NIBAN2: variants seen among roughly 807,000 people sequenced by gnomAD.
NIBAN2 encodes niban apoptosis regulator 2, also known as protein Niban 2.
Under a neutral mutation model 81.8 loss-of-function variants are expected in NIBAN2, and 36 were observed. The ratio of observed to expected loss-of-function variants is 0.44; its 90% CI spans 0.34 to 0.58. NIBAN2 has a LOEUF of 0.58. Ranked by LOEUF, NIBAN2 falls within the 20% of genes least tolerant of loss-of-function variation. The pLI, the probability that NIBAN2 is intolerant of heterozygous loss-of-function variation, is 0.02. For missense variants in NIBAN2, 897 were observed against 1,014.1 expected (o/e 0.88, Z 1.57); for synonymous variants, 445 against 441.6 (o/e 1.01, Z -0.10).
chr9:127,527,361 G>C (rs530237143), intron 2 of NIBAN2, 39 bp from the exon 3 acceptor site: 1 of 1,566,492 alleles, frequency 6.4e-7, no homozygotes, highest in Middle Eastern at 1.7e-4. Context: ...GCCCAGGTCT[G>C]GGGGGGTGGT....
chr9:127,523,771 T>A lies in NIBAN2; in HGVS notation c.497A>T (p.Tyr166Phe), dbSNP rs368076473. The A allele has an allele frequency of 6.2e-7, 1 of 1,613,960 alleles. No homozygotes were observed. The highest frequency in any genetic ancestry group is 8.5e-7 in the Non-Finnish European group (1 of 1,180,012). The change falls in exon 5 of 14, where the codon TAT (tyrosine) becomes TTT (phenylalanine). Residue 166 changes from tyrosine to phenylalanine, a missense_variant. Tyr to Phe is a conservative substitution (Grantham distance 22). Around this residue, in one of 3 missense-constraint regions of NIBAN2, gnomAD observed 69 missense variants for 114.7 expected, o/e 0.60. Coordinates refer to ENST00000373312, the MANE Select transcript of NIBAN2 (RefSeq NM_022833.4). ...TQFPLILWHP[Y>F]ARHYYFCMMT... ...CATGCAGAAGTAGTAGTGACGCGCA[T>A]AAGGATGCCAGAGGATGAGCGGGAA...
At chr9:127,527,035 C>A (rs1333429933) in intron 3 of NIBAN2, among the ~76,000 whole-genome samples, 159 bp downstream of exon 3, 1 of 152,076 alleles carries the variant, frequency 6.6e-6, no homozygotes, top group Admixed American at 6.5e-5. Context: ...CAGGGCAGCC[C>A]AGTTTGGGGG....
rs1001155790 is a variant in NIBAN2, at chr9:127,559,857, T to C, written c.55+8963A>G. 6.6e-6 allele frequency among the ~76,000 whole-genome samples: 1 copy of C among 152,076 alleles called. No individual in the cohort carries two copies. Among genetic ancestry groups the C allele is most frequent in the African/African-American group, 2.4e-5 (1 of 41,392 alleles). On this transcript the variant is annotated intron_variant, in intron 1 of 13. Transcript: ENST00000373312. This position sits in a 1 kb window ranked among gnomAD's most constrained non-coding sequence, Gnocchi z 4.0. ...TGGCCAATGTCCTATGTGAACCACATAGAACGGTAACAGTGGATGAACCAG... is the reference window on the plus strand; with the variant it reads ...TGGCCAATGTCCTATGTGAACCACACAGAACGGTAACAGTGGATGAACCAG...
At position 127,545,364 on chromosome 9, in the gene NIBAN2, G is replaced by A. The variant is rs757467688; in HGVS notation, c.56-13586C>T. On this transcript the variant is annotated intron_variant, in intron 1 of 13. Transcript: ENST00000373312. The surrounding 1 kb of genome is among the most constrained non-coding windows in gnomAD (Gnocchi z 4.7). ...TAATGCCTCATCTGAGACGCTCCCC[G>A]GACTGAGACTGCTCTCCGCTGTCTC... Among the ~76,000 whole-genome samples, 12 of 152,118 alleles carry A rather than the reference G, an allele frequency of 7.9e-5. No homozygotes were observed. The highest frequency in any genetic ancestry group is 1.3e-4 in the Non-Finnish European group (9 of 68,028).
Position 127,517,352 on chromosome 9 carries a change from T to A in NIBAN2, c.706-136A>T. Reference sequence around the variant, plus strand: ...TGGCCCATTGCTTCACCCTCCCTGCTGCCCTCTCTCCTGAGCTCCATTCCC... The same window carrying A: ...TGGCCCATTGCTTCACCCTCCCTGCAGCCCTCTCTCCTGAGCTCCATTCCC... On this transcript the variant is annotated intron_variant, in intron 6 of 13. Coordinates refer to ENST00000373312, the MANE Select transcript of NIBAN2 (RefSeq NM_022833.4). The surrounding 1 kb of genome is among the most constrained non-coding windows in gnomAD (Gnocchi z 4.0). The A allele has an allele frequency of 1.4e-6, 1 of 693,804 alleles. No individual in the cohort carries two copies. Among genetic ancestry groups the A allele is most frequent in the Non-Finnish European group, 2.5e-6 (1 of 405,676 alleles). The allele number at this position is 693,804 out of a possible 1,614,324, so 43.0% of individuals were successfully genotyped here.
At chr9:127,556,103 G>A (rs1837663703) in intron 1 of NIBAN2, among the ~76,000 whole-genome samples, 1 of 152,076 alleles carries the variant, frequency 6.6e-6, no homozygotes, top group African/African-American at 2.4e-5. Context: ...CAGGAACCCA[G>A]AGAGAGAGCC....
chr9:127,569,512 G>A (rs1367232186), upstream of NIBAN2, among the ~76,000 whole-genome samples: 2 of 151,666 alleles, frequency 1.3e-5, no homozygotes, highest in Non-Finnish European at 2.9e-5. Context: ...AACCTTGCCC[G>A]CGCGGGAAAA....
chr9:127,574,657 A>G (rs1837987160), intron 1 of NIBAN2, among the ~76,000 whole-genome samples: 1 of 152,158 alleles, frequency 6.6e-6, no homozygotes, highest in South Asian at 2.1e-4. Flanking sequence ...AACCTGAAAT[A>G]GACCAGGAGA....
rs1836591060 is a variant in NIBAN2, at chr9:127,506,189, A to C, written c.*656T>G. The C allele has an allele frequency of 6.5e-6, 1 of 152,812 alleles. No homozygotes were observed. The allele number at this position is 152,812 out of a possible 1,614,324, so 9.5% of individuals were successfully genotyped here. ...AGGATGGGGGTCCCCTCCTTCACTC[A>C]GGACACTTCCCCTCCGCAGACCTGC... On this transcript the variant is annotated 3_prime_UTR_variant, in exon 14 of 14. Transcript: ENST00000373312.
At chr9:127,538,569 G>A (rs1020834913) in intron 1 of NIBAN2, among the ~76,000 whole-genome samples, 2 of 150,914 alleles carry the variant, frequency 1.3e-5, no homozygotes, top group Non-Finnish European at 2.9e-5. Context: ...AGAGGTTGCT[G>A]TGAGCCAAGA....
chr9:127,509,549 A>G, intron 9 of NIBAN2, among the ~76,000 whole-genome samples: 1 of 152,110 alleles, frequency 6.6e-6, no homozygotes, highest in East Asian at 1.9e-4. Flanking sequence ...TCCCCATTTC[A>G]GAGTATAAAG....
chr9:127,507,668 C>T lies in NIBAN2; in HGVS notation c.1654+199G>A, dbSNP rs552743449. ...GACCCTCCCAGCAAAGCCAAGGACG[C>T]GAGAAGAAACTAAAGCACAGAGACG... On this transcript the variant is annotated intron_variant, in intron 13 of 13. Coordinates refer to ENST00000373312, the MANE Select transcript of NIBAN2 (RefSeq NM_022833.4). This position sits in a 1 kb window ranked among gnomAD's most constrained non-coding sequence, Gnocchi z 6.8. Among the ~76,000 whole-genome samples, 1 of 152,312 alleles carries T rather than the reference C, an allele frequency of 6.6e-6. No individual in the cohort carries two copies. Among genetic ancestry groups the T allele is most frequent in the East Asian group, 1.9e-4 (1 of 5,182 alleles).
chr9:127,530,247 C>A (rs889251493), intron 2 of NIBAN2, among the ~76,000 whole-genome samples: 7 of 152,340 alleles, frequency 4.6e-5, no homozygotes, highest in South Asian at 4.1e-4. Context: ...GAAGAGGCAA[C>A]CTTTTCTGGG....
chr9:127,548,306 C>T (rs1837511299), intron 1 of NIBAN2, among the ~76,000 whole-genome samples: 1 of 152,206 alleles, frequency 6.6e-6, no homozygotes, highest in South Asian at 2.1e-4. Context: ...CTGAGAACCT[C>T]GACCGACCAC....
At chr9:127,555,419 AGCTCTC>A (rs1261853838) in intron 1 of NIBAN2, among the ~76,000 whole-genome samples, 1 of 152,244 alleles carries the variant, frequency 6.6e-6, no homozygotes, top group Admixed American at 6.5e-5. Flanking sequence ...CAACAAACCC[AGCTCTC>A]GCTGCAGTTC....
Position 127,509,132 on chromosome 9 carries a change from C to T in NIBAN2, c.1162-1G>A, listed in dbSNP as rs1407943635. Reference sequence around the variant, plus strand: ...CCAGCCGGGACAGCTTCTCCATGTACTGCAGGGGCCGGGGCCGCGGGGGCT... The same window carrying T: ...CCAGCCGGGACAGCTTCTCCATGTATTGCAGGGGCCGGGGCCGCGGGGGCT... On this transcript the variant is annotated splice_acceptor_variant, in intron 9 of 13. Coordinates refer to ENST00000373312, the MANE Select transcript of NIBAN2 (RefSeq NM_022833.4). LOFTEE classifies it high-confidence loss of function. 2 of 1,609,342 alleles carry T rather than the reference C, an allele frequency of 1.2e-6. No homozygotes were observed. The highest frequency in any genetic ancestry group is 1.7e-6 in the Non-Finnish European group (2 of 1,179,298).
At chr9:127,578,847 ACCT>A in intron 1 of NIBAN2, 1 of 1,332,426 alleles carries the variant, frequency 7.5e-7, no homozygotes, top group Non-Finnish European at 1.1e-6. Flanking sequence ...ACAGAGCAAA[ACCT>A]CCTCTCTAAA....
chr9:127,533,944 G>A (rs1399030227), intron 1 of NIBAN2, among the ~76,000 whole-genome samples: 1 of 152,250 alleles, frequency 6.6e-6, no homozygotes, highest in Admixed American at 6.5e-5. Context: ...CTGAATAGAG[G>A]TGAGTGCTAT....
chr9:127,567,546 C>T (rs1270602314), intron 1 of NIBAN2, among the ~76,000 whole-genome samples: 1 of 152,210 alleles, frequency 6.6e-6, no homozygotes, highest in African/African-American at 2.4e-5. Flanking sequence ...GGCAGATCTC[C>T]CCAGCACCTC....
Sources: allele counts gnomAD v4.1 joint callset (sites outside exome capture counted in the v4.1 genomes callset), GRCh38; gene constraint gnomAD v4.1.1; regional missense constraint gnomAD v4.1.1; non-coding constraint Gnocchi (gnomAD v3.1); transcripts MANE v1.5; gene names NCBI Gene and HGNC (gene_info 2026-07-23, HGNC 2026-07-21).